The following NCOR2 variants were observed in gnomAD, a reference collection of about 807,000 sequenced individuals.
The protein encoded by NCOR2 is nuclear receptor corepressor 2.
Under a neutral mutation model 262.9 loss-of-function variants are expected in NCOR2, and 81 were observed. The ratio of observed to expected loss-of-function variants is 0.31; its 90% CI spans 0.26 to 0.37. The LOEUF (loss-of-function observed/expected upper bound fraction) is 0.37, where lower values mean the gene tolerates loss of function less well. Among genes scored for constraint, NCOR2 ranks in the 10% least tolerant of loss-of-function variants. The pLI, the probability that NCOR2 is intolerant of heterozygous loss-of-function variation, is 1.00. For missense variants in NCOR2, 3,385 were observed against 3,621.4 expected, an observed-to-expected ratio of 0.93 and a Z score of 1.68; for synonymous variants, 1,659 against 1,559.3, an observed-to-expected ratio of 1.06 and a Z score of -1.51.
exon 43 of NCOR2, chr12:124,332,414 C>T: frequency 6.2e-7 from 1 of 1,614,246 alleles, no homozygotes; most frequent in Non-Finnish European, 8.5e-7. Flanking sequence ...GGTCAGCTTG[C>T]TGAAGAAGGC....
At chr12:124,326,489 A>G (rs1206011984) in intron 45 of NCOR2, 119 bp from the exon 48 acceptor site, 2 of 1,023,712 alleles carry the variant, frequency 2.0e-6, no homozygotes, top group Non-Finnish European at 2.6e-6. Flanking sequence ...AGGGAGGGAG[A>G]GCAGTAACGT....
At chr12:124,472,465 A>T (rs1439892377) in intron 4 of NCOR2, among the ~76,000 whole-genome samples, 1 of 152,178 alleles carries the variant, frequency 6.6e-6, no homozygotes, top group Non-Finnish European at 1.5e-5. Context: ...AGGCCAGTCC[A>T]TTCAGATTCC....
At chr12:124,456,511 A>G (rs1416006647) in intron 6 of NCOR2, among the ~76,000 whole-genome samples, 1 of 151,824 alleles carries the variant, frequency 6.6e-6, no homozygotes, top group Non-Finnish European at 1.5e-5. Flanking sequence ...CATCATCGCC[A>G]TCATCATCAT....
intron 1 of NCOR2, chr12:124,513,417 C>T (rs837949): frequency 0.61 from 92,452 of 152,000 alleles, 30,384 homozygotes; most frequent in East Asian, 0.87. Context: ...GGGAAACGGG[C>T]CCCTGCCAGT....
chr12:124,388,341 C>T (rs2040970896), intron 16 of NCOR2, among the ~76,000 whole-genome samples: 2 of 152,254 alleles, frequency 1.3e-5, no homozygotes, highest in African/African-American at 4.8e-5. Context: ...CAGAGGCTGC[C>T]AGGCACGGAG....
At chr12:124,422,164 C>A (rs1346002308) in intron 12 of NCOR2, among the ~76,000 whole-genome samples, 1 of 152,252 alleles carries the variant, frequency 6.6e-6, no homozygotes, top group Non-Finnish European at 1.5e-5. Context: ...TGCAAGGACG[C>A]TCCACGTGGC....
exon 8 of NCOR2, chr12:124,437,970 A>G: frequency 6.2e-7 from 1 of 1,612,488 alleles, no homozygotes; most frequent in Non-Finnish European, 8.5e-7. Context: ...GAAGTACAAG[A>G]TTAGCTTCTT....
In NCOR2 at chr12:124,517,858, C is replaced by T. The variant is rs551586346; in HGVS notation, c.-118+17707G>A. On this transcript the variant is annotated intron_variant, in intron 1 of 46. Transcript: ENST00000404621. The surrounding 1 kb of genome is among the most constrained non-coding windows in gnomAD (Gnocchi z 7.6). ...CCGATGAGACAGCCCTGCCCACCATCCCGCTGAGCTCAGGGCCGACAACAC... is the reference window on the plus strand; with the variant it reads ...CCGATGAGACAGCCCTGCCCACCATTCCGCTGAGCTCAGGGCCGACAACAC... Among the ~76,000 whole-genome samples the T allele has an allele frequency of 2.7e-4, 41 of 152,336 alleles. No homozygotes were observed. Among genetic ancestry groups the T allele is most frequent in the African/African-American group, 9.6e-4 (40 of 41,574 alleles).
intron 1 of NCOR2, among the ~76,000 whole-genome samples, chr12:124,545,563 G>A (rs1323601778): frequency 1.3e-5 from 2 of 152,264 alleles, no homozygotes; most frequent in East Asian, 1.9e-4. Flanking sequence ...GCCCAAAGAC[G>A]CCAGGCAAGG....
At chr12:124,499,739 T>G (rs185047147), upstream of NCOR2, among the ~76,000 whole-genome samples, 730 of 151,670 alleles carry the variant, frequency 4.8e-3, 6 homozygotes, top group African/African-American at 0.017. Context: ...TGGGCCCGGG[T>G]AAGGATGGAT....
At chr12:124,453,364 G>A (rs2045662978) in intron 6 of NCOR2, among the ~76,000 whole-genome samples, 1 of 152,204 alleles carries the variant, frequency 6.6e-6, no homozygotes, top group Non-Finnish European at 1.5e-5. Flanking sequence ...GCCTAGATGC[G>A]TGTGGAGCCT....
At chr12:124,368,103 G>A (rs1353655517) in intron 20 of NCOR2, among the ~76,000 whole-genome samples, 2 of 152,226 alleles carry the variant, frequency 1.3e-5, no homozygotes, top group African/African-American at 4.8e-5. Flanking sequence ...CTCTGACCAT[G>A]TGACTTAGCC....
At chr12:124,340,689 G>C (rs1264071699) in exon 35 of NCOR2, 48 of 1,530,460 alleles carry the variant, frequency 3.1e-5, no homozygotes, top group Non-Finnish European at 4.1e-5. Context: ...GCGGTGGCTG[G>C]GGTGCCTGGT....
exon 47 of NCOR2, chr12:124,325,475 G>A (rs1222597272): frequency 7.3e-7 from 1 of 1,367,116 alleles, no homozygotes; most frequent in Non-Finnish European, 9.5e-7. Context: ...GGCGTGGTGG[G>A]GGCCAGCGAG....
Position 124,429,632 on chromosome 12 carries a change from T to C in NCOR2, c.1130A>G (p.Asp377Gly), listed in dbSNP as rs1038097336. 19 of 1,607,588 alleles carry C rather than the reference T, an allele frequency of 1.2e-5. No individual in the cohort carries two copies. Among genetic ancestry groups the C allele is most frequent in the Non-Finnish European group, 1.6e-5 (19 of 1,177,228 alleles). ...ACTCACCTCCTGCTCTGAGAGGCCA[T>C]CGATGATCTCTGACACCTCGTGCTC... Residue 377 changes from aspartate (D) to glycine (G), a missense_variant, in exon 10 of 47, where the codon GAT (aspartate) becomes GGT (glycine). Around this residue, in one of 5 missense-constraint regions of NCOR2, gnomAD observed 515 missense variants for 781.2 expected, o/e 0.66. Coordinates refer to ENST00000405201, the Ensembl canonical transcript of NCOR2.
chr12:124,360,263 G>A (rs948878137), intron 22 of NCOR2, among the ~76,000 whole-genome samples: 1 of 152,228 alleles, frequency 6.6e-6, no homozygotes, highest in Non-Finnish European at 1.5e-5. Context: ...CTGGCCCCAG[G>A]TAGCCCAGCC....
intron 1 of NCOR2, among the ~76,000 whole-genome samples, chr12:124,565,461 T>G (rs1310185643): frequency 1.3e-5 from 2 of 152,058 alleles, no homozygotes. Context: ...TTGCATCTGT[T>G]CAATGGGCGG....
rs368513179 is a variant in NCOR2 at position 124,346,746 on chromosome 12, G to A, written c.4177C>T (p.Leu1393=). ...GCCTGCGTCTTGTAGGCCTCGGTCA[G>A]GTCCCGTGAGGGCGGTGGGGGCGGA... is the stretch of plus-strand genomic sequence containing the variant. The change falls in exon 31 of 47, where the codon CTG becomes TTG. Residue 1393 remains leucine, a synonymous_variant. Coordinates refer to ENST00000405201, the Ensembl canonical transcript of NCOR2. 2.8e-4 allele frequency: 437 copies of A among 1,559,124 alleles called. 6 individuals carry two copies. In the South Asian group the frequency reaches 3.1e-3, roughly 11 times the overall value.
upstream of NCOR2, among the ~76,000 whole-genome samples, chr12:124,535,975 A>AC (rs1431887636): frequency 2.6e-5 from 4 of 151,988 alleles, no homozygotes; most frequent in Non-Finnish European, 5.9e-5. Flanking sequence ...TACCCAGAGG[A>AC]CCCCACAAAC....
Sources: gnomAD v4.1 joint callset for allele counts (sites outside exome capture counted in the v4.1 genomes callset) on GRCh38, gnomAD v4.1.1 for gene constraint, gnomAD v4.1.1 regional missense constraint, Gnocchi (gnomAD v3.1) non-coding constraint, MANE v1.5 for transcripts, NCBI Gene and HGNC (gene_info 2026-07-23, HGNC 2026-07-21) for gene names.